IQGAP2: variants seen among roughly 807,000 people sequenced by gnomAD.
The protein encoded by IQGAP2 is IQ motif containing GTPase activating protein 2, also known as ras GTPase-activating-like protein IQGAP2.
Under a neutral mutation model 201.3 loss-of-function variants are expected in IQGAP2, and 173 were observed. The observed-to-expected ratio is 0.86, with a 90% confidence interval of 0.76 to 0.98. The LOEUF (loss-of-function observed/expected upper bound fraction) is 0.98. Ranked by LOEUF, IQGAP2 falls within the 50% of genes least tolerant of loss-of-function variation. The pLI, the probability that IQGAP2 is intolerant of heterozygous loss-of-function variation, is 0.00. For synonymous variants in IQGAP2, 675 were observed against 673.9 expected (o/e 1.00, Z -0.03); for missense variants, 1,687 against 1,864.8 (o/e 0.90, Z 1.76).
chr5:76,589,374 C>T (rs1746482412), intron 6 of IQGAP2, among the ~76,000 whole-genome samples: 1 of 151,264 alleles, frequency 6.6e-6, no homozygotes. Context: ...TATTGATTTC[C>T]CTTATTCCTG....
intron 13 of IQGAP2, chr5:76,618,682 A>G: frequency 7.0e-7 from 1 of 1,438,688 alleles, no homozygotes; most frequent in Middle Eastern, 1.8e-4. Context: ...TGTATAGTTC[A>G]AGAGAAAAGA....
At chr5:76,427,168 G>A (rs1196957127) in intron 1 of IQGAP2, among the ~76,000 whole-genome samples, 1 of 152,136 alleles carries the variant, frequency 6.6e-6, no homozygotes, top group Non-Finnish European at 1.5e-5. Flanking sequence ...AATTCCAGTT[G>A]CAGTCCCCTT....
chr5:76,624,746 T>C (rs1379302990), intron 13 of IQGAP2, among the ~76,000 whole-genome samples: 1 of 152,180 alleles, frequency 6.6e-6, no homozygotes, highest in African/African-American at 2.4e-5. Flanking sequence ...CCCATAAATA[T>C]ACTATTATTT....
chr5:76,551,095 G>A (rs1481229526), intron 2 of IQGAP2, among the ~76,000 whole-genome samples: 4 of 149,484 alleles, frequency 2.7e-5, no homozygotes, highest in East Asian at 4.0e-4. Context: ...CAGACGGGGC[G>A]GCTGCGGGGC....
At chr5:76,633,780 T>C (rs1230389940) in intron 15 of IQGAP2, among the ~76,000 whole-genome samples, 2 of 152,180 alleles carry the variant, frequency 1.3e-5, no homozygotes, top group Non-Finnish European at 2.9e-5. Flanking sequence ...AACAGAATTA[T>C]ACAATACATA....
intron 2 of IQGAP2, among the ~76,000 whole-genome samples, chr5:76,559,871 T>C (rs1744238790): frequency 6.6e-6 from 1 of 152,138 alleles, no homozygotes; most frequent in Non-Finnish European, 1.5e-5. Flanking sequence ...GGTTTGAGTG[T>C]ATCCTCCAAT....
intron 2 of IQGAP2, among the ~76,000 whole-genome samples, chr5:76,536,511 G>A (rs918668250): frequency 6.6e-6 from 1 of 151,844 alleles, no homozygotes; most frequent in African/African-American, 2.4e-5. Context: ...TGTAATCCCA[G>A]CACTTTGGGA....
chr5:76,649,225 A>G (rs1230597254), intron 17 of IQGAP2, among the ~76,000 whole-genome samples: 1 of 152,232 alleles, frequency 6.6e-6, no homozygotes, highest in African/African-American at 2.4e-5. Context: ...AGGAAGTACA[A>G]CATTTTTCGG....
At chr5:76,601,284 G>T (rs764381463) in intron 11 of IQGAP2, among the ~76,000 whole-genome samples, 1 of 152,194 alleles carries the variant, frequency 6.6e-6, no homozygotes, top group African/African-American at 2.4e-5. Context: ...TTTGGAAACC[G>T]CAGAATGTAG....
intron 2 of IQGAP2, among the ~76,000 whole-genome samples, chr5:76,523,455 A>C (rs1209215756): frequency 3.3e-5 from 5 of 152,156 alleles, no homozygotes; most frequent in African/African-American, 1.2e-4. Flanking sequence ...CGCCATATCA[A>C]ATTTTTGCTA....
chr5:76,568,092 T>G (rs1188156916), intron 3 of IQGAP2, among the ~76,000 whole-genome samples: 22 of 152,182 alleles, frequency 1.4e-4, no homozygotes, highest in Admixed American at 1.4e-3. Flanking sequence ...TCATTCTAAG[T>G]GAAGCAAACT....
At chr5:76,544,575 G>T (rs1245593863) in intron 2 of IQGAP2, among the ~76,000 whole-genome samples, 1 of 152,252 alleles carries the variant, frequency 6.6e-6, no homozygotes, top group Non-Finnish European at 1.5e-5. Context: ...ATGCAGCTTA[G>T]AGAGAACTTG....
At chr5:76,552,870 C>A (rs1222430899) in intron 2 of IQGAP2, among the ~76,000 whole-genome samples, 1 of 152,166 alleles carries the variant, frequency 6.6e-6, no homozygotes, top group African/African-American at 2.4e-5. Context: ...TCCACTCCTA[C>A]TAGATCTTGA....
rs766063336 is a variant in IQGAP2 at position 76,562,545 on chromosome 5, G to A, written c.296G>A (p.Arg99His). Reference sequence around the variant, plus strand: ...AAGATCTATGATGTGGAACAAACACGTTATAAGGTAACCAAGATCTAATTG... The same window carrying A: ...AAGATCTATGATGTGGAACAAACACATTATAAGGTAACCAAGATCTAATTG... ...EKKIYDVEQT[R>H]YKKSGLHFRH... Residue 99 changes from arginine to histidine, a missense_variant, in exon 3 of 36, where the codon CGT becomes CAT. Arg to His is a conservative substitution (Grantham distance 29). Transcript: ENST00000274364. 26 of 1,611,890 alleles carry A rather than the reference G, an allele frequency of 1.6e-5. No individual in the cohort carries two copies. The highest frequency in any genetic ancestry group is 6.7e-5 in the East Asian group (3 of 44,850).
chr5:76,623,936 CT>C (rs368076875), intron 13 of IQGAP2, among the ~76,000 whole-genome samples: 32 of 100,768 alleles, frequency 3.2e-4, no homozygotes, highest in East Asian at 8.4e-4. Context: ...TTTGTTCAGG[CT>C]TTTTTTTTTT....
intron 22 of IQGAP2, among the ~76,000 whole-genome samples, chr5:76,665,729 C>T (rs1444259298): frequency 6.6e-6 from 1 of 152,030 alleles, no homozygotes; most frequent in East Asian, 1.9e-4. Context: ...AGTAATTTTC[C>T]ATTGCTTCCT....
At position 76,618,819 on chromosome 5, in the gene IQGAP2, A is replaced by G. The variant is rs1187634631; in HGVS notation, c.1521+7636A>G. 2.6e-5 allele frequency among the ~76,000 whole-genome samples: 4 copies of G among 152,322 alleles called. No homozygotes were observed. In the East Asian group the frequency reaches 7.7e-4, roughly 29 times the overall value. On this transcript the variant is annotated intron_variant, in intron 13 of 35. Coordinates refer to ENST00000274364, the MANE Select transcript of IQGAP2 (RefSeq NM_006633.5). ...TTTAATACATATCATATGCCCCAGA[A>G]CAACACTATCTTGTGCGGAAACAAA...
chr5:76,596,152 G>A (rs928005742), intron 9 of IQGAP2, among the ~76,000 whole-genome samples: 2 of 152,150 alleles, frequency 1.3e-5, no homozygotes, highest in African/African-American at 4.8e-5. Flanking sequence ...GAAGATCCTC[G>A]TGAATGTATT....
At position 76,675,172 on chromosome 5, in the gene IQGAP2, A is replaced by G. The variant is rs928939117; in HGVS notation, c.3527+463A>G. 5.9e-5 allele frequency among the ~76,000 whole-genome samples: 9 copies of G among 152,304 alleles called. No individual in the cohort carries two copies. The East Asian group carries it at 1.7e-3, about 29-fold the overall frequency. Reference sequence around the variant, plus strand: ...AGGTTTGAACTGCTCGGGTCTATTTATATATGGATTTTTTCAACCAAAGAC... The same window carrying G: ...AGGTTTGAACTGCTCGGGTCTATTTGTATATGGATTTTTTCAACCAAAGAC... On this transcript the variant is annotated intron_variant, in intron 27 of 35. Coordinates refer to ENST00000274364, the MANE Select transcript of IQGAP2 (RefSeq NM_006633.5).
Sources: allele counts gnomAD v4.1 joint callset (sites outside exome capture counted in the v4.1 genomes callset), GRCh38; gene constraint gnomAD v4.1.1; transcripts MANE v1.5; gene names NCBI Gene and HGNC (gene_info 2026-07-23, HGNC 2026-07-21).